Variants in PRMT8 observed in about 807,000 individuals in gnomAD.
PRMT8 encodes protein arginine methyltransferase 8, also known as protein arginine N-methyltransferase 8.
PRMT8 carries 7 observed loss-of-function variants against 47.1 expected under a neutral mutation model. That is an observed-to-expected ratio of 0.15 (90% CI 0.08 to 0.28). PRMT8 has a LOEUF of 0.28. PRMT8 is among the 10% of genes least tolerant of loss of function. PRMT8 has a pLI of 1.00. For missense variants in PRMT8, 237 were observed against 505.4 expected, an observed-to-expected ratio of 0.47 and a Z score of 5.09; for synonymous variants, 188 against 186.5, an observed-to-expected ratio of 1.01 and a Z score of -0.07.
intron 1 of PRMT8, among the ~76,000 whole-genome samples, chr12:3,390,660 A>G (rs550298233): frequency 6.6e-6 from 1 of 152,336 alleles, no homozygotes; most frequent in Non-Finnish European, 1.5e-5. Flanking sequence ...ACTATGACTG[A>G]ATCAAGCAGT....
chr12:3,567,460 A>C (rs1033068844), intron 4 of PRMT8, among the ~76,000 whole-genome samples: 5 of 152,222 alleles, frequency 3.3e-5, no homozygotes, highest in African/African-American at 1.2e-4. Flanking sequence ...GAACAAATGC[A>C]AAAGCAATAG....
chr12:3,543,340 C>T (rs1866266984), intron 2 of PRMT8, among the ~76,000 whole-genome samples: 1 of 152,204 alleles, frequency 6.6e-6, no homozygotes. Flanking sequence ...CCATTCTTCG[C>T]AGAGAGAAGG....
chr12:3,450,124 T>C (rs1398900962), intron 1 of PRMT8, among the ~76,000 whole-genome samples: 1 of 152,234 alleles, frequency 6.6e-6, no homozygotes, highest in African/African-American at 2.4e-5. Context: ...TGAAAGCGTA[T>C]CTTAATAGCT....
At position 3,493,199 on chromosome 12, in the gene PRMT8, C is replaced by T. The variant is rs1865450700; in HGVS notation, c.75+1499C>T. On this transcript the variant is annotated intron_variant, in intron 1 of 9. Coordinates refer to ENST00000382622, the MANE Select transcript of PRMT8 (RefSeq NM_019854.5). This position sits in a 1 kb window ranked among gnomAD's most constrained non-coding sequence, Gnocchi z 8.2. The stretch of plus-strand genomic sequence containing the variant: ...GTTAGGGCAAAGCCTGCGTGCCCGC[C>T]GTCCCCTCACCACTTCCTCTTCCCC... Among the ~76,000 whole-genome samples, 1 of 152,196 alleles carries T rather than the reference C, an allele frequency of 6.6e-6. No individual in the cohort carries two copies. Among genetic ancestry groups the T allele is most frequent in the Admixed American group, 6.5e-5 (1 of 15,290 alleles).
intron 1 of PRMT8, among the ~76,000 whole-genome samples, chr12:3,428,383 A>G (rs1208092460): frequency 6.6e-6 from 1 of 151,976 alleles, no homozygotes; most frequent in African/African-American, 2.4e-5. Flanking sequence ...GTTTCCTCTA[A>G]AAGTTATTTT....
At chr12:3,440,920 A>G (rs1007799007) in intron 1 of PRMT8, among the ~76,000 whole-genome samples, 2 of 152,124 alleles carry the variant, frequency 1.3e-5, no homozygotes, top group Non-Finnish European at 2.9e-5. Flanking sequence ...AAACCCCCCA[A>G]TTCTCTAAAG....
intron 6 of PRMT8, among the ~76,000 whole-genome samples, chr12:3,575,952 G>A (rs1866936172): frequency 6.6e-6 from 1 of 152,204 alleles, no homozygotes; most frequent in Non-Finnish European, 1.5e-5. Flanking sequence ...CCAGGAGGCG[G>A]AGGTTGCAGT....
chr12:3,545,404 G>A (rs965384542), intron 2 of PRMT8, among the ~76,000 whole-genome samples: 14 of 152,208 alleles, frequency 9.2e-5, no homozygotes, highest in African/African-American at 2.7e-4. Flanking sequence ...CTCCTAAAGC[G>A]AAAGGCTTCA....
intron 1 of PRMT8, among the ~76,000 whole-genome samples, chr12:3,471,080 G>A (rs960779352): frequency 1.3e-5 from 2 of 152,150 alleles, no homozygotes; most frequent in African/African-American, 4.8e-5. Flanking sequence ...AGAAGCAGAA[G>A]GAGCGGTGGT....
At chr12:3,531,221 A>G (rs1036876788) in intron 1 of PRMT8, among the ~76,000 whole-genome samples, 24 of 152,220 alleles carry the variant, frequency 1.6e-4, no homozygotes, top group Admixed American at 2.0e-4. Flanking sequence ...TGCCCATAAA[A>G]GAGAGTGGAG....
In PRMT8 at chr12:3,556,675, A is replaced by T. The variant is rs188386795; in HGVS notation, c.481+2961A>T. On this transcript the variant is annotated intron_variant, in intron 4 of 9. Transcript: ENST00000382622. ...GGCATTAAGGGAAGAAGTTTTTTTAAAAAAAAAATAGGAGATATGAAAACG... is the reference window on the plus strand; with the variant it reads ...GGCATTAAGGGAAGAAGTTTTTTTATAAAAAAAATAGGAGATATGAAAACG... Among the ~76,000 whole-genome samples the T allele has an allele frequency of 9.4e-3, 1,401 of 149,644 alleles. 20 individuals carry two copies. Among genetic ancestry groups the T allele is most frequent in the African/African-American group, 0.022 (885 of 39,458 alleles).
chr12:3,443,373 C>T (rs1864823435), intron 1 of PRMT8, among the ~76,000 whole-genome samples: 1 of 152,210 alleles, frequency 6.6e-6, no homozygotes, highest in South Asian at 2.1e-4. Flanking sequence ...CTCTCCCCTC[C>T]ACCCGATTAA....
chr12:3,568,954 G>A (rs78743728), intron 5 of PRMT8, 106 bp downstream of exon 5: 1 of 1,464,162 alleles, frequency 6.8e-7, no homozygotes, highest in Non-Finnish European at 9.3e-7. Context: ...GAAGACTGAG[G>A]CCAGGAGGTC....
chr12:3,540,613 G>GCCCCCCCCGCCC lies in PRMT8; in HGVS notation c.90_91insCGCCCCCCCCCC (p.Pro30_Ser31insArgProProPro). On this transcript the variant is annotated inframe_insertion, in exon 2 of 10. Transcript: ENST00000382622. ...CCCTTCTCTTCCCCTCAGGTGAACAGCCCCCCCTCCCAGCCCCCCCAGCCC... is the reference window on the plus strand; with the variant it reads ...CCCTTCTCTTCCCCTCAGGTGAACAGCCCCCCCCGCCCCCCCCCCTCCCAGCCCCCCCAGCCC... 1.8e-6 allele frequency: 2 copies of GCCCCCCCCGCCC among 1,130,522 alleles called. No individual in the cohort carries two copies. Among genetic ancestry groups the GCCCCCCCCGCCC allele is most frequent in the Non-Finnish European group, 2.7e-6 (2 of 752,492 alleles). 70.0% of individuals were successfully genotyped at this position (1,130,522 alleles called of 1,614,324 possible).
At chr12:3,403,990 G>A (rs2137052466) in intron 1 of PRMT8, among the ~76,000 whole-genome samples, 1 of 150,554 alleles carries the variant, frequency 6.6e-6, no homozygotes, top group African/African-American at 2.4e-5. Context: ...TTAAAAATAT[G>A]AAATATTTTC....
chr12:3,520,202 T>C (rs1459657076), intron 1 of PRMT8, among the ~76,000 whole-genome samples: 1 of 152,164 alleles, frequency 6.6e-6, no homozygotes, highest in East Asian at 1.9e-4. Context: ...GAAGGGGCGA[T>C]GTAAAATACA....
intron 1 of PRMT8, among the ~76,000 whole-genome samples, chr12:3,526,337 T>G (rs552308007): frequency 6.6e-6 from 1 of 152,190 alleles, no homozygotes; most frequent in African/African-American, 2.4e-5. Flanking sequence ...TGTACAAATA[T>G]CTCTTTAAGC....
intron 1 of PRMT8, among the ~76,000 whole-genome samples, chr12:3,512,763 T>G (rs1420175248): frequency 1.3e-5 from 2 of 152,182 alleles, no homozygotes; most frequent in Non-Finnish European, 2.9e-5. Context: ...ACAGGATGAC[T>G]TAGTGGATGT....
chr12:3,436,450 C>G lies in PRMT8; in HGVS notation c.48+55008C>G, dbSNP rs1864741735. On this transcript the variant is annotated intron_variant, in intron 1 of 9. Transcript: ENST00000452611. This position sits in a 1 kb window ranked among gnomAD's most constrained non-coding sequence, Gnocchi z 4.2. ...CTGTGATAAAATTCTGGTTTTATCC[C>G]TCAGAACCCAGGTAGCTGCTTTCTT... Among the ~76,000 whole-genome samples the G allele has an allele frequency of 6.6e-6, 1 of 152,110 alleles. No individual in the cohort carries two copies. Among genetic ancestry groups the G allele is most frequent in the Admixed American group, 6.5e-5 (1 of 15,274 alleles).
Sources: gnomAD v4.1 joint callset for allele counts (sites outside exome capture counted in the v4.1 genomes callset) on GRCh38, gnomAD v4.1.1 for gene constraint, Gnocchi (gnomAD v3.1) non-coding constraint, MANE v1.5 for transcripts, NCBI Gene and HGNC (gene_info 2026-07-23, HGNC 2026-07-21) for gene names.